Variants in PRELID2 observed in about 807,000 individuals in gnomAD.
PRELID2 encodes PRELI domain containing 2, also known as PRELI domain-containing protein 2.
A neutral mutation model predicts 28.4 loss-of-function variants in PRELID2; 25 were observed. That is an observed-to-expected ratio of 0.88 (90% CI 0.64 to 1.23). The LOEUF (loss-of-function observed/expected upper bound fraction) is 1.23. Among genes scored for constraint, PRELID2 ranks in the 50% most tolerant of loss-of-function variants. The pLI, the probability that PRELID2 is intolerant of heterozygous loss-of-function variation, is 0.00. For synonymous variants in PRELID2, 76 were observed against 71.6 expected, an observed-to-expected ratio of 1.06 and a Z score of -0.31; for missense variants, 201 against 214.4, an observed-to-expected ratio of 0.94 and a Z score of 0.39.
At chr5:145,458,820 T>C in the PRELID2 span, among the ~76,000 whole-genome samples, 1 of 151,372 alleles carries the variant, frequency 6.6e-6, no homozygotes, top group South Asian at 2.1e-4. Flanking sequence ...CATTTGTTTC[T>C]TTTATTATCT....
chr5:145,298,413 C>A, the PRELID2 span, among the ~76,000 whole-genome samples: 3 of 152,030 alleles, frequency 2.0e-5, no homozygotes, highest in East Asian at 5.8e-4. Context: ...AACTGGCTAG[C>A]CATATGTAGA....
chr5:145,660,898 T>C, intron 1 of PRELID2, among the ~76,000 whole-genome samples: 1 of 152,240 alleles, frequency 6.6e-6, no homozygotes. Flanking sequence ...TATGTATGTG[T>C]AATGAACTGA....
chr5:145,566,839 C>CA (rs537384269), intron 1 of PRELID2, among the ~76,000 whole-genome samples: 2,378 of 57,330 alleles, frequency 0.041, 62 homozygotes, highest in South Asian at 0.1. Context: ...GACTCCATCT[C>CA]AAAAAAAAAA....
the PRELID2 span, among the ~76,000 whole-genome samples, chr5:145,299,644 C>T: frequency 6.0e-3 from 657 of 109,402 alleles, 7 homozygotes; most frequent in East Asian, 0.06. Flanking sequence ...TATGTGTGTG[C>T]GTGTGTGTGT....
At chr5:145,290,711 G>A in the PRELID2 span, among the ~76,000 whole-genome samples, 2 of 151,796 alleles carry the variant, frequency 1.3e-5, no homozygotes, top group East Asian at 3.9e-4. Flanking sequence ...TAACAAACCT[G>A]CACATTGTGC....
intron 1 of PRELID2, among the ~76,000 whole-genome samples, chr5:145,595,134 A>AG (rs1053312418): frequency 7.2e-6 from 1 of 139,290 alleles, no homozygotes; most frequent in African/African-American, 3.1e-5. Context: ...AAGAAAAAAA[A>AG]GAAGAAGAAG....
intron 1 of PRELID2, among the ~76,000 whole-genome samples, chr5:145,476,638 G>GA (rs1173791232): frequency 6.6e-6 from 1 of 150,676 alleles, no homozygotes; most frequent in Non-Finnish European, 1.5e-5. Flanking sequence ...AGAGTGAAAA[G>GA]AAAAAACTCC....
At chr5:145,834,389 T>C (rs1019310525) in intron 1 of PRELID2, among the ~76,000 whole-genome samples, 4 of 152,216 alleles carry the variant, frequency 2.6e-5, no homozygotes. Flanking sequence ...GAATTTGTGA[T>C]ACAAAGAACA....
intron 1 of PRELID2, among the ~76,000 whole-genome samples, chr5:145,492,732 G>A (rs1172941967): frequency 7.1e-6 from 1 of 141,250 alleles, no homozygotes; most frequent in East Asian, 2.0e-4. Context: ...TGGGCTGCTG[G>A]AGGGCTGCCT....
chr5:145,599,032 G>A (rs1291620952), intron 1 of PRELID2, among the ~76,000 whole-genome samples: 2 of 152,080 alleles, frequency 1.3e-5, no homozygotes, highest in African/African-American at 4.8e-5. Context: ...TCAGCCTATA[G>A]GTTGTTACCC....
At chr5:145,282,089 A>G in the PRELID2 span, among the ~76,000 whole-genome samples, 2 of 152,196 alleles carry the variant, frequency 1.3e-5, no homozygotes, top group African/African-American at 4.8e-5. Flanking sequence ...ACTTGTGAAG[A>G]TCAAGTGATG....
chr5:145,605,295 T>C (rs1459703981), intron 1 of PRELID2, among the ~76,000 whole-genome samples: 1 of 152,184 alleles, frequency 6.6e-6, no homozygotes, highest in Non-Finnish European at 1.5e-5. Context: ...CCAGGGTTTT[T>C]ATAGCTTTAG....
At chr5:145,229,971 A>G in the PRELID2 span, 1 of 741,118 alleles carries the variant, frequency 1.3e-6, no homozygotes, top group African/African-American at 1.7e-5. Flanking sequence ...TTATGAGCCG[A>G]TTGATGACAC....
the PRELID2 span, among the ~76,000 whole-genome samples, chr5:145,368,609 C>T: frequency 1.3e-5 from 2 of 151,992 alleles, no homozygotes; most frequent in African/African-American, 4.8e-5. Context: ...ATACGGATCC[C>T]TCTCATATAA....
chr5:145,546,896 A>G (rs926539518), intron 1 of PRELID2, among the ~76,000 whole-genome samples: 19 of 152,206 alleles, frequency 1.2e-4, no homozygotes, highest in African/African-American at 3.6e-4. Flanking sequence ...CATGGTTAAG[A>G]GGACAAGTTT....
At chr5:145,799,463 T>C (rs1752985612) in intron 4 of PRELID2, among the ~76,000 whole-genome samples, 1 of 151,532 alleles carries the variant, frequency 6.6e-6, no homozygotes, top group Admixed American at 6.6e-5. Flanking sequence ...GAGAAGGAGA[T>C]GGTCTCTCTC....
the PRELID2 span, among the ~76,000 whole-genome samples, chr5:145,402,731 G>C: frequency 6.6e-6 from 1 of 152,154 alleles, no homozygotes; most frequent in Non-Finnish European, 1.5e-5. Context: ...TTAGCATAGT[G>C]TCTGCCATAT....
the PRELID2 span, among the ~76,000 whole-genome samples, chr5:145,265,192 A>G: frequency 6.6e-6 from 1 of 151,986 alleles, no homozygotes; most frequent in Non-Finnish European, 1.5e-5. Context: ...TCAACAACTC[A>G]TCACCTTTTA....
At chr5:145,802,214 G>C (rs1344866126) in intron 4 of PRELID2, among the ~76,000 whole-genome samples, 4 of 152,152 alleles carry the variant, frequency 2.6e-5, no homozygotes, top group African/African-American at 7.2e-5. Context: ...ATTTAGAATG[G>C]ACTCAGTTTA....
Sources: gnomAD v4.1 joint callset for allele counts (sites outside exome capture counted in the v4.1 genomes callset) on GRCh38, gnomAD v4.1.1 for gene constraint, MANE v1.5 for transcripts, NCBI Gene and HGNC (gene_info 2026-07-23, HGNC 2026-07-21) for gene names.